Variants in OR2L13 observed in about 807,000 individuals in gnomAD.
OR2L13 encodes the protein olfactory receptor family 2 subfamily L member 13.
Under a neutral mutation model 15.3 loss-of-function variants are expected in OR2L13, and 14 were observed. The ratio of observed to expected loss-of-function variants is 0.91; its 90% confidence interval spans 0.60 to 1.43. OR2L13 has a LOEUF of 1.43. Ranked by LOEUF, OR2L13 falls within the 40% of genes most tolerant of loss-of-function variation. OR2L13 has a pLI of 0.00. For missense variants in OR2L13, 367 were observed against 387.9 expected (o/e 0.95, Z 0.45); for synonymous variants, 152 against 142.9 (o/e 1.06, Z -0.45).
At chr1:247,983,774 G>A in the OR2L13 span, among the ~76,000 whole-genome samples, 2 of 152,188 alleles carry the variant, frequency 1.3e-5, no homozygotes, top group Admixed American at 1.3e-4. Context: ...CTCACGACTT[G>A]CAAAGTCCAA....
chr1:248,031,639 C>T, the OR2L13 span, among the ~76,000 whole-genome samples: 12 of 152,264 alleles, frequency 7.9e-5, no homozygotes, highest in Middle Eastern at 3.4e-3. Context: ...AGGCAATCTC[C>T]TAGTGGGAGG....
At chr1:248,093,735 C>G (rs906724638), upstream of OR2L13, among the ~76,000 whole-genome samples, 11 of 152,070 alleles carry the variant, frequency 7.2e-5, no homozygotes, top group Non-Finnish European at 1.5e-4. Flanking sequence ...GAAAGGAATT[C>G]ACTCTTATTT....
At chr1:248,064,039 G>A in the OR2L13 span, among the ~76,000 whole-genome samples, 2 of 152,186 alleles carry the variant, frequency 1.3e-5, no homozygotes, top group Non-Finnish European at 2.9e-5. Context: ...CTTGTGCATA[G>A]GTCCACGAAG....
the OR2L13 span, among the ~76,000 whole-genome samples, chr1:247,992,954 T>A: frequency 6.6e-6 from 1 of 152,138 alleles, no homozygotes; most frequent in Admixed American, 6.6e-5. Flanking sequence ...TCAGACTGCT[T>A]TCCATAGTGG....
chr1:248,005,583 G>A, the OR2L13 span, among the ~76,000 whole-genome samples: 1 of 152,136 alleles, frequency 6.6e-6, no homozygotes, highest in Non-Finnish European at 1.5e-5. Flanking sequence ...TTTATGTGCA[G>A]AATGTCATTG....
chr1:248,022,140 C>T, the OR2L13 span: 29 of 1,613,836 alleles, frequency 1.8e-5, no homozygotes, highest in East Asian at 1.3e-4. Context: ...GCTTAGTCAG[C>T]TCTCCCTCAT....
At chr1:248,085,722 G>A in the OR2L13 span, among the ~76,000 whole-genome samples, 3 of 152,154 alleles carry the variant, frequency 2.0e-5, no homozygotes, top group Admixed American at 6.6e-5. Context: ...TTACTTAAAT[G>A]TTTTAAACCA....
chr1:247,954,895 A>G, the OR2L13 span, among the ~76,000 whole-genome samples: 1 of 152,170 alleles, frequency 6.6e-6, no homozygotes, highest in East Asian at 1.9e-4. Context: ...TCTATTTCTG[A>G]CAGTATGTTG....
At chr1:247,997,550 C>T in the OR2L13 span, among the ~76,000 whole-genome samples, 1 of 151,950 alleles carries the variant, frequency 6.6e-6, no homozygotes, top group Admixed American at 6.6e-5. Context: ...AATCTTACTG[C>T]CAATATAAAC....
At chr1:247,967,045 C>CCACACACACACACA in the OR2L13 span, among the ~76,000 whole-genome samples, 405 of 147,498 alleles carry the variant, frequency 2.7e-3, 1 homozygote, top group Non-Finnish European at 3.1e-3. Flanking sequence ...ACACCACACA[C>CCACACACACACACA]CACACACACA....
the OR2L13 span, among the ~76,000 whole-genome samples, chr1:247,969,030 C>T: frequency 6.6e-6 from 1 of 152,118 alleles, no homozygotes; most frequent in African/African-American, 2.4e-5. Context: ...TTTTAATGAT[C>T]ACCATTCTAA....
At chr1:247,985,208 C>T in the OR2L13 span, among the ~76,000 whole-genome samples, 1 of 152,044 alleles carries the variant, frequency 6.6e-6, no homozygotes, top group Non-Finnish European at 1.5e-5. Flanking sequence ...CCCATCAACT[C>T]ATCATTTAAC....
At chr1:248,003,988 C>T in the OR2L13 span, 12 of 1,614,000 alleles carry the variant, frequency 7.4e-6, no homozygotes, top group Middle Eastern at 3.3e-4. Context: ...TGCTCAACCC[C>T]ATCATCTATA....
At chr1:247,942,856 C>A in the OR2L13 span, among the ~76,000 whole-genome samples, 4 of 152,124 alleles carry the variant, frequency 2.6e-5, no homozygotes, top group Admixed American at 2.6e-4. Context: ...ACACTTTGTT[C>A]TTGTTAAACA....
the OR2L13 span, among the ~76,000 whole-genome samples, chr1:247,973,300 AT>A: frequency 1.3e-5 from 2 of 152,178 alleles, no homozygotes; most frequent in Non-Finnish European, 2.9e-5. Flanking sequence ...AGAGAAAGAA[AT>A]AAAGGATATT....
chr1:248,082,491 A>G, the OR2L13 span, among the ~76,000 whole-genome samples: 1 of 151,712 alleles, frequency 6.6e-6, no homozygotes, highest in Non-Finnish European at 1.5e-5. Context: ...TAAAACTTAA[A>G]GTATAATAAA....
chr1:248,002,822 C>T, the OR2L13 span, among the ~76,000 whole-genome samples: 1 of 150,900 alleles, frequency 6.6e-6, no homozygotes, highest in Non-Finnish European at 1.5e-5. Flanking sequence ...CGCACCACTG[C>T]ACTCCAGCCT....
the OR2L13 span, among the ~76,000 whole-genome samples, chr1:247,962,623 A>G: frequency 6.6e-6 from 1 of 152,234 alleles, no homozygotes; most frequent in Non-Finnish European, 1.5e-5. Context: ...CTATCACATT[A>G]TAGCAGAAGT....
At chr1:248,097,691 A>C (rs879687091) in intron 1 of OR2L13, among the ~76,000 whole-genome samples, 1 of 152,128 alleles carries the variant, frequency 6.6e-6, no homozygotes, top group African/African-American at 2.4e-5. Flanking sequence ...ATAAACCTAC[A>C]CCCAAGTCAG....
Sources: allele counts gnomAD v4.1 joint callset (sites outside exome capture counted in the v4.1 genomes callset), GRCh38; gene constraint gnomAD v4.1.1; transcripts MANE v1.5; gene names NCBI Gene and HGNC (gene_info 2026-07-23, HGNC 2026-07-21).